Variants in DHRSX observed in about 807,000 individuals in gnomAD.
The protein encoded by DHRSX is dehydrogenase/reductase X-linked, also known as polyprenol dehydrogenase.
In DHRSX, 31 loss-of-function variants were observed where a neutral mutation model predicts 34.0. That is an observed-to-expected ratio of 0.91 (90% CI 0.69 to 1.23). The LOEUF (loss-of-function observed/expected upper bound fraction) is 1.23, where lower values mean the gene tolerates loss of function less well. Among genes scored for constraint, DHRSX ranks in the 50% most tolerant of loss-of-function variants. The pLI is 0.00. For missense variants in DHRSX, 414 were observed against 428.1 expected (o/e 0.97, Z 0.29); for synonymous variants, 201 against 183.8 (o/e 1.09, Z -0.76).
intron 1 of DHRSX, chrX:2,488,850 A>G: frequency 6.2e-7 from 1 of 1,613,696 alleles, no homozygotes; most frequent in Non-Finnish European, 8.5e-7. Flanking sequence ...TTGGCGGCGG[A>G]TCCGAAGAGA....
intron 3 of DHRSX, among the ~76,000 whole-genome samples, chrX:2,329,721 G>A (rs907507913): frequency 2.0e-5 from 3 of 152,052 alleles, no homozygotes; most frequent in African/African-American, 7.2e-5. Context: ...CTCTCTCGAA[G>A]GACATTAGTA....
At chrX:2,232,078 TTC>T (rs1446215204) in intron 6 of DHRSX, among the ~76,000 whole-genome samples, 7 of 150,432 alleles carry the variant, frequency 4.7e-5, no homozygotes, top group Non-Finnish European at 1.0e-4. Context: ...CTTTTATTTT[TTC>T]TCCTTTTCCT....
At chrX:2,259,395 G>GATATATAGAT (rs2041331724) in intron 5 of DHRSX, among the ~76,000 whole-genome samples, 2 of 124,106 alleles carry the variant, frequency 1.6e-5, no homozygotes, top group Non-Finnish European at 3.1e-5. Flanking sequence ...TAGATATATA[G>GATATATAGAT]ATATATATAT....
At chrX:2,239,742 C>A (rs1183518956) in intron 6 of DHRSX, among the ~76,000 whole-genome samples, 1 of 151,882 alleles carries the variant, frequency 6.6e-6, no homozygotes, top group African/African-American at 2.4e-5. Context: ...GCACTCCAGC[C>A]TGGGCAACAG....
chrX:2,339,385 C>A (rs940984871), intron 3 of DHRSX, among the ~76,000 whole-genome samples: 1 of 151,940 alleles, frequency 6.6e-6, no homozygotes. Context: ...GTAATCCGCT[C>A]GCCTCAGCCT....
At chrX:2,288,354 G>A (rs1019470377) in intron 4 of DHRSX, among the ~76,000 whole-genome samples, 31 of 152,308 alleles carry the variant, frequency 2.0e-4, no homozygotes, top group African/African-American at 7.0e-4. Context: ...TCCTGCCTCA[G>A]CCTCCCGAGT....
At chrX:2,422,354 C>T (rs1489999523) in intron 2 of DHRSX, among the ~76,000 whole-genome samples, 4 of 151,436 alleles carry the variant, frequency 2.6e-5, no homozygotes, top group Non-Finnish European at 4.4e-5. Context: ...CCTCCGGCTC[C>T]CTGGCTCAAG....
At chrX:2,320,648 T>G (rs1377967999) in intron 3 of DHRSX, among the ~76,000 whole-genome samples, 2 of 144,140 alleles carry the variant, frequency 1.4e-5, no homozygotes, top group African/African-American at 5.2e-5. Context: ...TTCGGAAGAG[T>G]TTTCCTAGAA....
chrX:2,484,846 G>A (rs1276834388), intron 1 of DHRSX, among the ~76,000 whole-genome samples: 1 of 151,954 alleles, frequency 6.6e-6, no homozygotes, highest in African/African-American at 2.4e-5. Flanking sequence ...CCAGGAACCC[G>A]GTCTCTGGGC....
chrX:2,266,931 G>A lies in DHRSX; in HGVS notation c.405C>T (p.Val135=). The A allele has an allele frequency of 6.2e-7, 1 of 1,613,950 alleles. No individual in the cohort carries two copies. The highest frequency in any genetic ancestry group is 8.5e-7 in the Non-Finnish European group (1 of 1,179,862). Residue 135 remains valine (V), a synonymous_variant, in exon 5 of 7, where the codon GTC becomes GTT. Transcript: ENST00000334651. ...VLINNAGVMM[V]PQRKTRDGFE... is the part of the protein sequence containing the mutation. ...ATCCATCTCTGGTTTTCCTCTGAGG[G>A]ACCATCATCACCCCAGCTGGACAAA...
At position 2,425,234 on chromosome X, in the gene DHRSX, C is replaced by T. The variant is rs367560706; in HGVS notation, c.180G>A (p.Ala60=). 56 of 1,613,670 alleles carry T rather than the reference C, an allele frequency of 3.5e-5. 1 individual carries two copies. The Middle Eastern group carries it at 4.9e-4, about 14-fold the overall frequency. Residue 60 remains alanine (A), a synonymous_variant, in exon 2 of 7, where the codon GCG becomes GCA. Coordinates refer to ENST00000334651, the MANE Select transcript of DHRSX (RefSeq NM_145177.3). ...GGTDGIGYST[A]KHLARLGMHV... ...GCATGCCAAGTCTCGCCAGATGCTT[C>T]GCTGTAGAATAGCCAATGCCATCTG...
intron 3 of DHRSX, among the ~76,000 whole-genome samples, chrX:2,320,162 T>C (rs930682502): frequency 5.9e-5 from 9 of 151,414 alleles, no homozygotes; most frequent in Non-Finnish European, 1.3e-4. Context: ...GTGATAAATA[T>C]ATACATTTAC....
intron 5 of DHRSX, among the ~76,000 whole-genome samples, chrX:2,259,371 T>TAG (rs1248774121): frequency 2.5e-5 from 2 of 78,968 alleles, no homozygotes; most frequent in Non-Finnish European, 6.7e-5. Context: ...TATAGATATA[T>TAG]ATAGATATAT....
intron 3 of DHRSX, among the ~76,000 whole-genome samples, chrX:2,321,047 G>A (rs191151166): frequency 3.9e-5 from 6 of 152,076 alleles, no homozygotes; most frequent in African/African-American, 7.2e-5. Flanking sequence ...CACTTCAGCC[G>A]AACACTGGCT....
chrX:2,395,654 G>T (rs1033159851), intron 3 of DHRSX, among the ~76,000 whole-genome samples: 1 of 152,086 alleles, frequency 6.6e-6, no homozygotes, highest in Non-Finnish European at 1.5e-5. Flanking sequence ...ACCCCCAGGG[G>T]ACTTGGAATT....
intron 5 of DHRSX, among the ~76,000 whole-genome samples, chrX:2,259,092 G>A (rs1325662521): frequency 1.3e-5 from 2 of 152,066 alleles, no homozygotes; most frequent in African/African-American, 4.8e-5. Context: ...GGCCAACATG[G>A]TGAACCCCCG....
At chrX:2,350,187 T>C (rs1042418339) in intron 3 of DHRSX, among the ~76,000 whole-genome samples, 6 of 151,618 alleles carry the variant, frequency 4.0e-5, no homozygotes, top group African/African-American at 1.2e-4. Context: ...CCGTCTCTAC[T>C]AAGAAGTACA....
At chrX:2,265,388 G>C (rs756867425) in intron 5 of DHRSX, among the ~76,000 whole-genome samples, 1 of 128,074 alleles carries the variant, frequency 7.8e-6, no homozygotes, top group Admixed American at 7.6e-5. Flanking sequence ...ACTGTCCCCA[G>C]AGCACCAGTG....
intron 5 of DHRSX, among the ~76,000 whole-genome samples, chrX:2,265,448 C>T (rs1406011418): frequency 4.5e-5 from 5 of 110,538 alleles, no homozygotes; most frequent in African/African-American, 1.1e-4. Flanking sequence ...GTCCAGCAGA[C>T]GCAGGGAGCA....
Sources: gnomAD v4.1 joint callset for allele counts (sites outside exome capture counted in the v4.1 genomes callset) on GRCh38, gnomAD v4.1.1 for gene constraint, MANE v1.5 for transcripts, NCBI Gene and HGNC (gene_info 2026-07-23, HGNC 2026-07-21) for gene names.